The following CFH variants were observed in gnomAD, a reference collection of about 807,000 sequenced individuals.
The protein encoded by CFH is H factor 1 (complement).
A neutral mutation model predicts 147.3 loss-of-function variants in CFH; 53 were observed. The ratio of observed to expected loss-of-function variants is 0.36; its 90% CI spans 0.29 to 0.45. The LOEUF is 0.45. Ranked by LOEUF, CFH falls within the 20% of genes least tolerant of loss-of-function variation. CFH has a pLI of 1.00. For synonymous variants in CFH, 536 were observed against 489.4 expected (o/e 1.10, Z -1.26); for missense variants, 1,380 against 1,498.0 (o/e 0.92, Z 1.30).
rs190510734 is a variant in CFH, at chr1:196,728,989, T to C, written c.2413+467T>C. On this transcript the variant is annotated intron_variant, in intron 15 of 21. Transcript: ENST00000367429. ...ATCTACCTGTTCATCTACCTAATCATCTATTTATCTATTAATTTATTGTTC... is the reference window on the plus strand; with the variant it reads ...ATCTACCTGTTCATCTACCTAATCACCTATTTATCTATTAATTTATTGTTC... Among the ~76,000 whole-genome samples, 16 of 152,242 alleles carry C rather than the reference T, an allele frequency of 1.1e-4. No homozygotes were observed. In the East Asian group the frequency reaches 1.5e-3, roughly 15 times the overall value.
chr1:196,745,779 T>C (rs1397588243), intron 20 of CFH, 38 bp from the exon 21 acceptor site: 1 of 1,613,870 alleles, frequency 6.2e-7, no homozygotes, highest in Admixed American at 1.7e-5. Context: ...TTTGATTTGC[T>C]CTCACAACAA....
intron 17 of CFH, among the ~76,000 whole-genome samples, chr1:196,739,241 C>G (rs1298029364): frequency 6.6e-6 from 1 of 152,182 alleles, no homozygotes; most frequent in Non-Finnish European, 1.5e-5. Flanking sequence ...AGATATATTC[C>G]CCATTGTCTT....
chr1:196,710,885 T>G lies in CFH; in HGVS notation c.1337-2850T>G, dbSNP rs569816108. On this transcript the variant is annotated intron_variant, in intron 9 of 21. Coordinates refer to ENST00000367429, the MANE Select transcript of CFH (RefSeq NM_000186.4). ...AATTCAATTTGTTTAATAGACAGAA[T>G]TTATTAATGCTACCTAATCCTTCTT... Among the ~76,000 whole-genome samples the G allele has an allele frequency of 2.6e-5, 4 of 152,234 alleles. No individual in the cohort carries two copies. In the South Asian group the frequency reaches 8.3e-4, roughly 32 times the overall value.
chr1:196,659,193 G>A (rs971136367), intron 1 of CFH, among the ~76,000 whole-genome samples: 7 of 152,116 alleles, frequency 4.6e-5, no homozygotes, highest in East Asian at 1.9e-4. Context: ...CAAAATAACC[G>A]TTTGTTGTCT....
At chr1:196,741,089 A>T in intron 18 of CFH, 1 of 377,238 alleles carries the variant, frequency 2.7e-6, no homozygotes, top group Non-Finnish European at 4.9e-6. Flanking sequence ...CACATTATTC[A>T]ATCTTCTGTC....
At chr1:196,678,061 C>T (rs1573014246) in intron 5 of CFH, 1 of 221,320 alleles carries the variant, frequency 4.5e-6, no homozygotes, top group East Asian at 1.1e-4. Context: ...CTGCTGCAAG[C>T]TGTAAGACCT....
Position 196,745,731 on chromosome 1 carries a change from C to A in CFH, c.3311-86C>A, listed in dbSNP as rs929204660. The A allele has an allele frequency of 7.2e-5, 112 of 1,560,220 alleles. No homozygotes were observed. In the East Asian group the frequency reaches 8.5e-4, roughly 12 times the overall value. ...ATCACAAAACTGTTGATATTATATA[C>A]AGTGCTGTGTTTGCGTTTGCCTTAT... is the stretch of plus-strand genomic sequence containing the variant. On this transcript the variant is annotated intron_variant, in intron 20 of 21. Transcript: ENST00000367429.
At chr1:196,685,369 T>A in intron 7 of CFH, 132 bp downstream of exon 7, 1 of 976,266 alleles carries the variant, frequency 1.0e-6, no homozygotes, top group Non-Finnish European at 1.6e-6. Context: ...GAAGCATTCT[T>A]TAGTTTTCGA....
intron 20 of CFH, 22 bp downstream of exon 20, chr1:196,743,650 A>T (rs1308082711): frequency 6.2e-7 from 1 of 1,613,634 alleles, no homozygotes; most frequent in African/African-American, 1.3e-5. Context: ...TATTTCTTTT[A>T]ACATTTTGGG....
At chr1:196,713,589 CCTTGA>C in intron 9 of CFH, 141 bp from the exon 10 acceptor site, 1 of 558,406 alleles carries the variant, frequency 1.8e-6, no homozygotes, top group South Asian at 2.3e-5. Context: ...AGCTTATTTT[CCTTGA>C]CTTAAGTATT....
At chr1:196,657,307 A>G (rs1666735899) in intron 1 of CFH, among the ~76,000 whole-genome samples, 1 of 152,150 alleles carries the variant, frequency 6.6e-6, no homozygotes, top group Admixed American at 6.6e-5. Context: ...AATAATTTGA[A>G]TATTTCTTAT....
chr1:196,719,956 C>T (rs921534799), intron 11 of CFH, among the ~76,000 whole-genome samples: 2 of 151,054 alleles, frequency 1.3e-5, no homozygotes, highest in African/African-American at 2.4e-5. Context: ...ATTAGAAATG[C>T]TATTTTGGGT....
intron 11 of CFH, among the ~76,000 whole-genome samples, chr1:196,720,342 G>A (rs1256745645): frequency 6.6e-6 from 1 of 151,828 alleles, no homozygotes; most frequent in Non-Finnish European, 1.5e-5. Flanking sequence ...TGGATATATT[G>A]CATAGTGGTG....
In CFH at chr1:196,738,089, T is replaced by G. The variant is rs537435073; in HGVS notation, c.2782+429T>G. Among the ~76,000 whole-genome samples, 13 of 152,208 alleles carry G rather than the reference T, an allele frequency of 8.5e-5. 1 individual carries two copies. Among genetic ancestry groups the G allele is most frequent in the African/African-American group, 3.1e-4 (13 of 41,540 alleles). On this transcript the variant is annotated intron_variant, in intron 17 of 21. Transcript: ENST00000367429. ...GTTCTGACCAAAGGGAAAAGGCCCTTATAAAACCATTAGATCTCATGAAAA... is the reference window on the plus strand; with the variant it reads ...GTTCTGACCAAAGGGAAAAGGCCCTGATAAAACCATTAGATCTCATGAAAA...
intron 18 of CFH, 79 bp from the exon 19 acceptor site, chr1:196,741,796 T>A (rs1652816034): frequency 7.5e-7 from 1 of 1,329,940 alleles, no homozygotes; most frequent in African/African-American, 1.5e-5. Context: ...TATATCGCTA[T>A]TTTAGAATCC....
At chr1:196,701,052 A>G (rs959449660) in intron 9 of CFH, among the ~76,000 whole-genome samples, 1 of 152,182 alleles carries the variant, frequency 6.6e-6, no homozygotes, top group Non-Finnish European at 1.5e-5. Context: ...AGATGGAAAA[A>G]GACTAGAGGG....
At chr1:196,728,189 G>C (rs545641799) in intron 14 of CFH, among the ~76,000 whole-genome samples, 157 bp from the exon 15 acceptor site, 7 of 152,164 alleles carry the variant, frequency 4.6e-5, no homozygotes, top group African/African-American at 1.4e-4. Flanking sequence ...ATAGCATTTT[G>C]ATGCAATGTG....
intron 9 of CFH, among the ~76,000 whole-genome samples, chr1:196,697,534 A>G (rs1210108108): frequency 6.6e-6 from 1 of 152,206 alleles, no homozygotes; most frequent in African/African-American, 2.4e-5. Flanking sequence ...GTGGAGAAAT[A>G]GGAACACTTT....
At chr1:196,701,745 T>G (rs1668462288) in intron 9 of CFH, among the ~76,000 whole-genome samples, 2 of 152,082 alleles carry the variant, frequency 1.3e-5, no homozygotes, top group African/African-American at 4.8e-5. Context: ...CTTACTTAGC[T>G]CTCATGAACT....
Sources: allele counts gnomAD v4.1 joint callset (sites outside exome capture counted in the v4.1 genomes callset), GRCh38; gene constraint gnomAD v4.1.1; transcripts MANE v1.5; gene names NCBI Gene and HGNC (gene_info 2026-07-23, HGNC 2026-07-21).